Variants in SPATS2 observed in about 807,000 individuals in gnomAD.
SPATS2 encodes the protein spermatogenesis-associated serine-rich protein 2.
SPATS2 carries 38 observed loss-of-function variants against 63.7 expected under a neutral mutation model. The ratio of observed to expected loss-of-function variants is 0.60; its 90% CI spans 0.46 to 0.78. The LOEUF is 0.78. Among genes scored for constraint, SPATS2 ranks in the 30% least tolerant of loss-of-function variants. SPATS2 has a pLI of 0.00. For synonymous variants in SPATS2, 207 were observed against 232.9 expected (o/e 0.89, Z 1.01); for missense variants, 588 against 666.2 (o/e 0.88, Z 1.29).
chr12:49,408,702 C>T (rs55712069), intron 2 of SPATS2, among the ~76,000 whole-genome samples: 14,936 of 151,556 alleles, frequency 0.099, 826 homozygotes, highest in African/African-American at 0.15. Flanking sequence ...ACTACAGGCA[C>T]GCAACACCAG....
At chr12:49,418,150 T>C (rs1944922845) in intron 2 of SPATS2, among the ~76,000 whole-genome samples, 1 of 139,094 alleles carries the variant, frequency 7.2e-6, no homozygotes, top group Non-Finnish European at 1.5e-5. Flanking sequence ...GGTCTCACTC[T>C]GTTGCATAGG....
At chr12:49,376,552 A>G (rs546409977) in intron 2 of SPATS2, among the ~76,000 whole-genome samples, 75 of 151,494 alleles carry the variant, frequency 5.0e-4, no homozygotes, top group African/African-American at 1.7e-3. Flanking sequence ...TCGTACCACC[A>G]TGCCCTGCTA....
At chr12:49,388,954 A>T (rs189443036) in intron 2 of SPATS2, among the ~76,000 whole-genome samples, 3 of 152,106 alleles carry the variant, frequency 2.0e-5, no homozygotes, top group Non-Finnish European at 4.4e-5. Context: ...TTGGCCTACG[A>T]AAGTGCTGGG....
At chr12:49,386,172 G>A (rs547352696) in intron 2 of SPATS2, among the ~76,000 whole-genome samples, 20 of 146,524 alleles carry the variant, frequency 1.4e-4, no homozygotes, top group Admixed American at 1.2e-3. Flanking sequence ...CCAGCTTGTG[G>A]TTATTTATTT....
At chr12:49,517,400 C>T (rs557607764) in intron 10 of SPATS2, among the ~76,000 whole-genome samples, 5 of 152,288 alleles carry the variant, frequency 3.3e-5, no homozygotes, top group African/African-American at 9.6e-5. Context: ...TGGTGTAACT[C>T]TTTAAAACTT....
chr12:49,376,390 A>C (rs781641470), intron 2 of SPATS2, among the ~76,000 whole-genome samples: 6 of 151,570 alleles, frequency 4.0e-5, no homozygotes, highest in Non-Finnish European at 8.8e-5. Flanking sequence ...GGCCTGAGCT[A>C]TCACGCCCGC....
At chr12:49,429,944 C>T (rs560883215) in intron 2 of SPATS2, among the ~76,000 whole-genome samples, 8 of 143,350 alleles carry the variant, frequency 5.6e-5, no homozygotes, top group Non-Finnish European at 9.1e-5. Flanking sequence ...TCACGCCCAG[C>T]TAATTTTTGT....
At chr12:49,437,229 C>A (rs1426253764) in intron 2 of SPATS2, among the ~76,000 whole-genome samples, 4 of 150,802 alleles carry the variant, frequency 2.7e-5, no homozygotes, top group Non-Finnish European at 4.4e-5. Context: ...ACATCCCAGA[C>A]GGGGCGGCAG....
intron 4 of SPATS2, among the ~76,000 whole-genome samples, chr12:49,488,614 C>T (rs1236683564): frequency 2.0e-5 from 3 of 152,054 alleles, no homozygotes; most frequent in Non-Finnish European, 4.4e-5. Context: ...GCCGAGATCA[C>T]ACCTCTGCAC....
chr12:49,459,846 G>A (rs1474874076), intron 2 of SPATS2, among the ~76,000 whole-genome samples: 1 of 147,886 alleles, frequency 6.8e-6, no homozygotes, highest in Admixed American at 6.8e-5. Context: ...CAGCACTTTG[G>A]GAGGCCGAGG....
intron 10 of SPATS2, among the ~76,000 whole-genome samples, chr12:49,517,641 G>A (rs1043675602): frequency 3.3e-5 from 5 of 152,130 alleles, no homozygotes; most frequent in Non-Finnish European, 7.3e-5. Context: ...CAGCCATTCT[G>A]AGAGTATGCT....
chr12:49,369,030 CTTTTT>C (rs35158946), intron 1 of SPATS2, among the ~76,000 whole-genome samples: 19 of 102,620 alleles, frequency 1.9e-4, no homozygotes, highest in Non-Finnish European at 7.3e-5. Flanking sequence ...CAATGTGCCT[CTTTTT>C]TTTTTTTTTT....
intron 9 of SPATS2, among the ~76,000 whole-genome samples, chr12:49,506,818 A>C (rs1211835095): frequency 1.3e-5 from 2 of 151,446 alleles, no homozygotes; most frequent in Admixed American, 6.6e-5. Context: ...TGGGTGACAG[A>C]GCAAGACCCT....
Position 49,506,805 on chromosome 12 carries a change from C to A in SPATS2, c.839+6600C>A, listed in dbSNP as rs182906851. On this transcript the variant is annotated intron_variant, in intron 9 of 13. Coordinates refer to ENST00000552918, the MANE Select transcript of SPATS2 (RefSeq NM_023071.4). ...CCATGATCTTGCCACTGTACTCCCA[C>A]GCTGGGTGACAGAGCAAGACCCTGT... is the stretch of plus-strand genomic sequence containing the variant. 1.4e-3 allele frequency among the ~76,000 whole-genome samples: 211 copies of A among 151,252 alleles called. 1 individual carries two copies. The highest frequency in any genetic ancestry group is 3.0e-3 in the Admixed American group (45 of 15,176).
In SPATS2 at chr12:49,526,093, A is replaced by G. The variant is rs532520563; in HGVS notation, c.1476A>G (p.Pro492=). Residue 492 remains proline (P), a synonymous_variant, in exon 14 of 14, where the codon CCA becomes CCG. Transcript: ENST00000552918. ...CTGGTTCCAGGTATCAGAGTGCTCCATCTCAGGCACCAGGAAACACCATTG... is the reference window on the plus strand; with the variant it reads ...CTGGTTCCAGGTATCAGAGTGCTCCGTCTCAGGCACCAGGAAACACCATTG... ...YSSGSRYQSA[P]SQAPGNTIER... is the part of the protein sequence containing the mutation. The G allele has an allele frequency of 7.4e-6, 12 of 1,614,208 alleles. No homozygotes were observed. In the Admixed American group the frequency reaches 2.0e-4, roughly 27 times the overall value.
intron 2 of SPATS2, among the ~76,000 whole-genome samples, chr12:49,394,937 G>C (rs1195891904): frequency 6.6e-6 from 1 of 151,942 alleles, no homozygotes; most frequent in East Asian, 1.9e-4. Context: ...GCTGGGCTTG[G>C]TGGCAGAGGC....
chr12:49,435,684 T>G (rs960249286), intron 2 of SPATS2, among the ~76,000 whole-genome samples: 1 of 147,770 alleles, frequency 6.8e-6, no homozygotes, highest in African/African-American at 2.5e-5. Flanking sequence ...TTCTTGGGTG[T>G]TTCTCGCAGA....
intron 3 of SPATS2, chr12:49,462,288 A>C (rs1413159568): frequency 1.4e-6 from 1 of 702,280 alleles, no homozygotes; most frequent in African/African-American, 1.7e-5. Context: ...GGAGAGCGCG[A>C]GTGAACAAGG....
At chr12:49,467,124 C>CT (rs940799355) in intron 3 of SPATS2, among the ~76,000 whole-genome samples, 1 of 140,416 alleles carries the variant, frequency 7.1e-6, no homozygotes, top group African/African-American at 2.6e-5. Flanking sequence ...TCTCGGCTGA[C>CT]TGCAGCCTCT....
Sources: gnomAD v4.1 joint callset for allele counts (sites outside exome capture counted in the v4.1 genomes callset) on GRCh38, gnomAD v4.1.1 for gene constraint, MANE v1.5 for transcripts, NCBI Gene and HGNC (gene_info 2026-07-23, HGNC 2026-07-21) for gene names.